SSUH2: variants seen among roughly 807,000 people sequenced by gnomAD.
The protein encoded by SSUH2 is protein SSUH2 homolog.
SSUH2 carries 47 observed loss-of-function variants against 55.3 expected under a neutral mutation model. The ratio of observed to expected loss-of-function variants is 0.85; its 90% CI spans 0.67 to 1.08. The LOEUF (loss-of-function observed/expected upper bound fraction) is 1.08. Among genes scored for constraint, SSUH2 ranks in the 50% least tolerant of loss-of-function variants. SSUH2 has a pLI of 0.00. For missense variants in SSUH2, 535 were observed against 490.7 expected (o/e 1.09, Z -0.85); for synonymous variants, 212 against 191.5 (o/e 1.11, Z -0.89).
upstream of SSUH2, among the ~76,000 whole-genome samples, chr3:8,645,994 G>A (rs561107471): frequency 1.3e-5 from 2 of 152,282 alleles, no homozygotes; most frequent in African/African-American, 4.8e-5. Flanking sequence ...TCTGATACTT[G>A]AGAGTCATAT....
chr3:8,634,022 T>C (rs1015753025), intron 3 of SSUH2: 5 of 1,448,814 alleles, frequency 3.5e-6, no homozygotes, highest in African/African-American at 1.4e-5. Flanking sequence ...AACACTTTAG[T>C]TGAAATGTGG....
chr3:8,628,597 G>A (rs138207398), intron 7 of SSUH2, among the ~76,000 whole-genome samples: 4 of 152,330 alleles, frequency 2.6e-5, no homozygotes, highest in Non-Finnish European at 5.9e-5. Flanking sequence ...ATCCGATGAC[G>A]TGTTCTTATT....
At chr3:8,674,018 G>C (rs773634807) in intron 3 of SSUH2, among the ~76,000 whole-genome samples, 2 of 152,222 alleles carry the variant, frequency 1.3e-5, no homozygotes, top group Non-Finnish European at 2.9e-5. Context: ...CGCGGAACAC[G>C]TTAGAAGAAA....
At chr3:8,624,929 C>G (rs959569092) in intron 10 of SSUH2, among the ~76,000 whole-genome samples, 2 of 152,130 alleles carry the variant, frequency 1.3e-5, no homozygotes, top group African/African-American at 2.4e-5. Flanking sequence ...AGGTCCACTC[C>G]CCAATTGCCC....
At chr3:8,678,886 T>C (rs4305415) in intron 2 of SSUH2, among the ~76,000 whole-genome samples, 86,510 of 101,922 alleles carry the variant, frequency 0.85, 39,893 homozygotes, top group East Asian at 1. Context: ...GGATCCCCAT[T>C]GCAAGGGAGG....
intron 5 of SSUH2, among the ~76,000 whole-genome samples, chr3:8,669,015 AAAGG>A (rs1704261294): frequency 6.6e-6 from 1 of 152,024 alleles, no homozygotes; most frequent in Non-Finnish European, 1.5e-5. Flanking sequence ...AGAAAGGGAA[AAAGG>A]AAGGAAGGGA....
At chr3:8,627,654 G>C in intron 8 of SSUH2, 44 bp downstream of exon 8, 1 of 1,466,680 alleles carries the variant, frequency 6.8e-7, no homozygotes, top group Non-Finnish European at 9.1e-7. Context: ...TGAAAAGCCA[G>C]AAAGCAAGAG....
chr3:8,649,772 C>T (rs1232099789), upstream of SSUH2, among the ~76,000 whole-genome samples: 2 of 152,132 alleles, frequency 1.3e-5, no homozygotes, highest in African/African-American at 2.4e-5. Flanking sequence ...CTATCTGTTG[C>T]CCTCGCCCTG....
In SSUH2 at chr3:8,633,698, T is replaced by C; in HGVS notation, c.307A>G (p.Ile103Val). The change falls in exon 4 of 12, where the codon ATC becomes GTC. Residue 103 changes from isoleucine to valine, a missense_variant. Transcript: ENST00000544814. ...YSSTVAGDLV[I>V]QELKRQTLCR... The stretch of plus-strand genomic sequence containing the variant: ...AGGGTCTGCCGCTTCAGCTCCTGGA[T>C]GACGAGGTCTCCAGCCACCGTGCTG... 2 of 1,536,424 alleles carry C rather than the reference T, an allele frequency of 1.3e-6. No homozygotes were observed. The highest frequency in any genetic ancestry group is 1.8e-6 in the Non-Finnish European group (2 of 1,142,060).
chr3:8,678,960 G>T (rs867396602), intron 2 of SSUH2, among the ~76,000 whole-genome samples: 4 of 73,212 alleles, frequency 5.5e-5, no homozygotes, highest in Non-Finnish European at 9.2e-5. Flanking sequence ...CTCTTGGGAC[G>T]CCCATCGCAG....
intron 6 of SSUH2, among the ~76,000 whole-genome samples, chr3:8,661,347 G>A (rs936764528): frequency 6.6e-6 from 1 of 152,160 alleles, no homozygotes; most frequent in Non-Finnish European, 1.5e-5. Flanking sequence ...AGTATTCACT[G>A]TTTAACTTGT....
At position 8,664,339 on chromosome 3, in the gene SSUH2, G is replaced by A. The variant is rs558381033; in HGVS notation, c.-454-537C>T. On this transcript the variant is annotated intron_variant, in intron 5 of 18. Transcript: ENST00000317371. ...AGATCCATGGGGCAGGAATGCCATC[G>A]CCATCTTCATGAAGCATGTCCCCCT... Among the ~76,000 whole-genome samples, 135 of 152,280 alleles carry A rather than the reference G, an allele frequency of 8.9e-4. 1 individual carries two copies. The highest frequency in any genetic ancestry group is 3.1e-3 in the African/African-American group (129 of 41,552).
chr3:8,635,250 A>G (rs1471471610), intron 3 of SSUH2, 50 bp downstream of exon 3: 2 of 1,453,292 alleles, frequency 1.4e-6, no homozygotes, highest in Non-Finnish European at 9.3e-7. Flanking sequence ...TCAAGGGGCA[A>G]TAGTGACATA....
chr3:8,650,145 G>C (rs1231465421), intron 7 of SSUH2, among the ~76,000 whole-genome samples: 1 of 152,110 alleles, frequency 6.6e-6, no homozygotes, highest in South Asian at 2.1e-4. Flanking sequence ...CACTCTCCCA[G>C]GGAGGCTGTC....
intron 1 of SSUH2, chr3:8,639,851 C>A: frequency 1.6e-6 from 1 of 617,474 alleles, no homozygotes. Context: ...TGGACAGGGG[C>A]CCCTGTCTCG....
Position 8,635,214 on chromosome 3 carries a change from C to T in SSUH2, c.209+86G>A. 9 of 1,189,000 alleles carry T rather than the reference C, an allele frequency of 7.6e-6. No homozygotes were observed. The South Asian group carries it at 1.3e-4, about 17-fold the overall frequency. 73.7% of individuals were successfully genotyped at this position (1,189,000 alleles called of 1,614,324 possible). A position where few individuals can be genotyped will look rare whatever the true frequency, so the allele number is the denominator to read the frequency against. ...GTGCAGACGGCCCCCTCCAGGGATC[C>T]TGATGCACTGCCAGGGCTGAGATCC... On this transcript the variant is annotated intron_variant, in intron 3 of 11. Transcript: ENST00000544814.
chr3:8,637,252 G>A (rs993325492), intron 1 of SSUH2, among the ~76,000 whole-genome samples: 40 of 152,162 alleles, frequency 2.6e-4, no homozygotes, highest in Admixed American at 1.5e-3. Context: ...CCCACTGTAG[G>A]TGGAGTAGTA....
chr3:8,627,883 C>T, intron 7 of SSUH2, 100 bp from the exon 8 acceptor site: 1 of 992,086 alleles, frequency 1.0e-6, no homozygotes, highest in South Asian at 1.8e-5. Flanking sequence ...TGACCTTCCT[C>T]CCCCTGGGCC....
At chr3:8,655,507 C>T (rs963738988) in intron 7 of SSUH2, among the ~76,000 whole-genome samples, 8 of 151,264 alleles carry the variant, frequency 5.3e-5, no homozygotes, top group Admixed American at 5.3e-4. Flanking sequence ...TGGCCTCTTC[C>T]CCCGGGTCTC....
Sources: gnomAD v4.1 joint callset for allele counts (sites outside exome capture counted in the v4.1 genomes callset) on GRCh38, gnomAD v4.1.1 for gene constraint, MANE v1.5 for transcripts, NCBI Gene and HGNC (gene_info 2026-07-23, HGNC 2026-07-21) for gene names.